Variants in MTA3 observed in about 807,000 individuals in gnomAD.
The protein encoded by MTA3 is metastasis-associated protein MTA3.
In MTA3, 34 loss-of-function variants were observed where a neutral mutation model predicts 83.5. The observed-to-expected ratio is 0.41, with a 90% CI of 0.31 to 0.54. The LOEUF (loss-of-function observed/expected upper bound fraction) is 0.54, where lower values mean the gene tolerates loss of function less well. Among genes scored for constraint, MTA3 ranks in the 20% least tolerant of loss-of-function variants. The pLI is 0.33. For missense variants in MTA3, 761 were observed against 726.4 expected (o/e 1.05, Z -0.55); for synonymous variants, 303 against 252.7 (o/e 1.20, Z -1.89).
At chr2:42,557,136 G>T (rs540234394) in intron 2 of MTA3, among the ~76,000 whole-genome samples, 5 of 152,172 alleles carry the variant, frequency 3.3e-5, no homozygotes, top group African/African-American at 1.2e-4. Flanking sequence ...CCAGCTACTC[G>T]GGAGGCTGAG....
chr2:42,640,425 G>C (rs182983708), intron 5 of MTA3, among the ~76,000 whole-genome samples, 189 bp downstream of exon 5: 5 of 152,146 alleles, frequency 3.3e-5, no homozygotes, highest in African/African-American at 1.2e-4. Context: ...TGAGATAAGA[G>C]CAAAAACTGT....
At chr2:42,552,386 A>G (rs1396050623) in intron 2 of MTA3, among the ~76,000 whole-genome samples, 1 of 152,172 alleles carries the variant, frequency 6.6e-6, no homozygotes, top group Non-Finnish European at 1.5e-5. Flanking sequence ...TCATCAGCAA[A>G]TTTAGAGCAG....
rs1278959995 is a variant in MTA3 at position 42,570,462 on chromosome 2, C to T, written c.54C>T (p.Ser18=). ...VGDYVYFENS[S]SNPYLIRRIE... is the part of the protein sequence containing the mutation. ...ATTATGTCTACTTTGAGAATTCCTC[C>T]AGCAACCCATACCTAATAAGAAGGA... Residue 18 remains serine (S), a synonymous_variant, in exon 2 of 17, where the codon TCC becomes TCT. Transcript: ENST00000405094. The T allele has an allele frequency of 6.5e-7, 1 of 1,546,412 alleles. No homozygotes were observed. The highest frequency in any genetic ancestry group is 1.2e-5 in the South Asian group (1 of 84,118).
chr2:42,556,274 C>G (rs745363994), intron 2 of MTA3, among the ~76,000 whole-genome samples: 8 of 152,076 alleles, frequency 5.3e-5, no homozygotes, highest in Non-Finnish European at 1.0e-4. Flanking sequence ...TAGATCTGCT[C>G]CAGAGAGGAA....
chr2:42,505,661 A>G lies in MTA3; in HGVS notation c.-141+10407A>G, dbSNP rs1453146939. Among the ~76,000 whole-genome samples the G allele has an allele frequency of 2.6e-5, 4 of 152,136 alleles. No individual in the cohort carries two copies. In the East Asian group the frequency reaches 7.7e-4, roughly 29 times the overall value. On this transcript the variant is annotated intron_variant, in intron 2 of 17. Transcript: ENST00000405592. ...TCCAAAAGCCACTTTCATATCATGA[A>G]ATATTTAAGGAGAAGATCATATAAT...
chr2:42,666,060 G>A (rs990950901), intron 8 of MTA3, among the ~76,000 whole-genome samples: 1 of 152,094 alleles, frequency 6.6e-6, no homozygotes, highest in African/African-American at 2.4e-5. Flanking sequence ...GGTGGATCAC[G>A]AGATCAGGAG....
intron 2 of MTA3, among the ~76,000 whole-genome samples, chr2:42,575,178 CCCTGCAACCA>C (rs1476379594): frequency 6.6e-6 from 1 of 152,184 alleles, no homozygotes; most frequent in Non-Finnish European, 1.5e-5. Flanking sequence ...GGCTGTTTCT[CCCTGCAACCA>C]CCTTAGGAGG....
At chr2:42,697,593 C>T (rs1173519766) in intron 10 of MTA3, among the ~76,000 whole-genome samples, 183 bp from the exon 11 acceptor site, 2 of 152,066 alleles carry the variant, frequency 1.3e-5, no homozygotes, top group Non-Finnish European at 2.9e-5. Context: ...TTGTGTACCA[C>T]AGAATCTAGT....
chr2:42,672,481 A>G (rs909980740), intron 8 of MTA3, among the ~76,000 whole-genome samples: 1 of 151,564 alleles, frequency 6.6e-6, no homozygotes, highest in African/African-American at 2.4e-5. Context: ...TATCTCTACT[A>G]AAAATACAAA....
At chr2:42,605,189 C>A (rs1302444096) in intron 3 of MTA3, among the ~76,000 whole-genome samples, 21 of 142,082 alleles carry the variant, frequency 1.5e-4, no homozygotes, top group Non-Finnish European at 2.8e-4. Flanking sequence ...ACCTCCCGGA[C>A]GGGGCGGCTG....
intron 14 of MTA3, among the ~76,000 whole-genome samples, chr2:42,716,333 T>A (rs1667027915): frequency 6.6e-6 from 1 of 152,234 alleles, no homozygotes; most frequent in African/African-American, 2.4e-5. Flanking sequence ...AACTTATTTT[T>A]TAACTTTTAA....
At chr2:42,662,470 A>G (rs925192631) in intron 8 of MTA3, among the ~76,000 whole-genome samples, 2 of 151,708 alleles carry the variant, frequency 1.3e-5, no homozygotes, top group African/African-American at 4.8e-5. Flanking sequence ...CATATATTAA[A>G]TTAATTGTCC....
chr2:42,497,505 A>G (rs900695810), intron 2 of MTA3, among the ~76,000 whole-genome samples: 7 of 151,828 alleles, frequency 4.6e-5, no homozygotes, highest in Admixed American at 2.0e-4. Context: ...GAATCGCTTG[A>G]ACCCGGGAGG....
chr2:42,516,960 A>G (rs1572908540), intron 2 of MTA3, among the ~76,000 whole-genome samples: 1 of 152,064 alleles, frequency 6.6e-6, no homozygotes, highest in Non-Finnish European at 1.5e-5. Flanking sequence ...CCCTGTCTCT[A>G]TAAAAAATAA....
intron 2 of MTA3, among the ~76,000 whole-genome samples, chr2:42,546,956 T>C (rs1676784385): frequency 6.6e-6 from 1 of 151,818 alleles, no homozygotes; most frequent in African/African-American, 2.4e-5. Flanking sequence ...TTTACAGAGG[T>C]GGTAAGAAAC....
chr2:42,652,506 T>G (rs1353979477), intron 6 of MTA3, among the ~76,000 whole-genome samples: 1 of 152,186 alleles, frequency 6.6e-6, no homozygotes, highest in African/African-American at 2.4e-5. Flanking sequence ...TTTACCTCAC[T>G]TCTTGATTTT....
intron 2 of MTA3, among the ~76,000 whole-genome samples, chr2:42,516,808 G>A (rs1347925078): frequency 6.6e-6 from 1 of 152,140 alleles, no homozygotes; most frequent in African/African-American, 2.4e-5. Context: ...CTTTACCTTA[G>A]GTCAGGAAAT....
intron 4 of MTA3, among the ~76,000 whole-genome samples, chr2:42,620,925 C>G (rs1286726425): frequency 6.6e-6 from 1 of 152,148 alleles, no homozygotes; most frequent in Non-Finnish European, 1.5e-5. Flanking sequence ...GGTATTTTAT[C>G]AGCTTTTTTT....
Position 42,707,993 on chromosome 2 carries a change from G to T in MTA3, c.1241G>T (p.Gly414Val), listed in dbSNP as rs1383720723. The T allele has an allele frequency of 6.2e-7, 1 of 1,613,702 alleles. No individual in the cohort carries two copies. The highest frequency in any genetic ancestry group is 8.5e-7 in the Non-Finnish European group (1 of 1,179,798). Residue 414 changes from glycine (G) to valine (V), a missense_variant, in exon 13 of 17, where the codon GGA becomes GTA. Transcript: ENST00000405094. The part of the protein sequence containing the change: ...AICWLYWKKY[G>V]GLKMPTQSEE... ...TGTTGGCTTTATTGGAAAAAATATGGAGGCTTGAAAATGCCCACCCAGTCA... is the reference window on the plus strand; with the variant it reads ...TGTTGGCTTTATTGGAAAAAATATGTAGGCTTGAAAATGCCCACCCAGTCA...
Sources: allele counts gnomAD v4.1 joint callset (sites outside exome capture counted in the v4.1 genomes callset), GRCh38; gene constraint gnomAD v4.1.1; transcripts MANE v1.5; gene names NCBI Gene and HGNC (gene_info 2026-07-23, HGNC 2026-07-21).